The following PPP2R2C variants were observed in gnomAD, a reference collection of about 807,000 sequenced individuals.
The protein encoded by PPP2R2C is protein phosphatase 2 regulatory subunit Bgamma.
A neutral mutation model predicts 45.3 loss-of-function variants in PPP2R2C; 10 were observed. The ratio of observed to expected loss-of-function variants is 0.22; its 90% CI spans 0.14 to 0.37. The LOEUF (loss-of-function observed/expected upper bound fraction) is 0.37, where lower values mean the gene tolerates loss of function less well. Ranked by LOEUF, PPP2R2C falls within the 10% of genes least tolerant of loss-of-function variation. The pLI is 1.00. For missense variants in PPP2R2C, 308 were observed against 619.7 expected, an observed-to-expected ratio of 0.50 and a Z score of 5.34; for synonymous variants, 257 against 245.4, an observed-to-expected ratio of 1.05 and a Z score of -0.44.
At chr4:6,365,047 C>A (rs1255361979) in intron 5 of PPP2R2C, among the ~76,000 whole-genome samples, 1 of 152,198 alleles carries the variant, frequency 6.6e-6, no homozygotes, top group Non-Finnish European at 1.5e-5. Flanking sequence ...AAAAAAGTCC[C>A]TTCTTCCCAA....
chr4:6,554,085 T>C (rs1725278920), intron 1 of PPP2R2C, among the ~76,000 whole-genome samples: 1 of 152,102 alleles, frequency 6.6e-6, no homozygotes. Flanking sequence ...CTGTGTGCTC[T>C]CCCCACAAAA....
intron 1 of PPP2R2C, among the ~76,000 whole-genome samples, chr4:6,547,762 C>G (rs937797518): frequency 1.3e-5 from 2 of 152,138 alleles, no homozygotes; most frequent in African/African-American, 4.8e-5. Flanking sequence ...CATCCATATG[C>G]AAAAACGCAA....
chr4:6,402,206 G>T (rs542697911), intron 1 of PPP2R2C, among the ~76,000 whole-genome samples: 1 of 152,192 alleles, frequency 6.6e-6, no homozygotes, highest in Non-Finnish European at 1.5e-5. Context: ...GGGTCACAGA[G>T]CAGGTAAGTG....
chr4:6,414,604 A>G (rs1335484135), intron 1 of PPP2R2C, among the ~76,000 whole-genome samples: 1 of 151,942 alleles, frequency 6.6e-6, no homozygotes, highest in Non-Finnish European at 1.5e-5. Flanking sequence ...AAAGAGCCCT[A>G]CGAGATGGGC....
chr4:6,343,142 C>T (rs1317659649), intron 6 of PPP2R2C, among the ~76,000 whole-genome samples: 1 of 152,206 alleles, frequency 6.6e-6, no homozygotes. Flanking sequence ...CAGCCGCCAC[C>T]TGCTAATTGG....
intron 1 of PPP2R2C, among the ~76,000 whole-genome samples, chr4:6,429,207 C>G (rs1719490993): frequency 6.6e-6 from 1 of 152,208 alleles, no homozygotes; most frequent in Non-Finnish European, 1.5e-5. Flanking sequence ...TGTGGTATAC[C>G]ATGTGACAGA....
intron 5 of PPP2R2C, among the ~76,000 whole-genome samples, chr4:6,357,054 G>C (rs1020690168): frequency 2.6e-5 from 4 of 150,966 alleles, no homozygotes; most frequent in Admixed American, 2.0e-4. Flanking sequence ...GCATGAGACA[G>C]GGACAGCGAG....
intron 1 of PPP2R2C, among the ~76,000 whole-genome samples, chr4:6,423,853 G>C (rs562193764): frequency 1.7e-4 from 26 of 152,278 alleles, no homozygotes; most frequent in African/African-American, 6.3e-4. Flanking sequence ...GCCATGGAAA[G>C]GAGTGCCCTT....
chr4:6,518,639 T>C (rs1272754617), intron 2 of PPP2R2C, among the ~76,000 whole-genome samples: 1 of 152,076 alleles, frequency 6.6e-6, no homozygotes, highest in East Asian at 1.9e-4. Context: ...ATTAAAGAAA[T>C]GGCCCAGGTG....
intron 1 of PPP2R2C, among the ~76,000 whole-genome samples, chr4:6,467,240 C>A (rs1473650881): frequency 6.6e-6 from 1 of 152,168 alleles, no homozygotes; most frequent in Admixed American, 6.5e-5. Context: ...TCCCTCTGTG[C>A]CACCACTAAT....
chr4:6,321,369 A>G lies in PPP2R2C; in HGVS notation c.*1933T>C, dbSNP rs1731541670. The G allele has an allele frequency of 6.6e-6, 1 of 152,586 alleles. No individual in the cohort carries two copies. The highest frequency in any genetic ancestry group is 6.5e-5 in the Admixed American group (1 of 15,276). 9.5% of individuals were successfully genotyped at this position (152,586 alleles called of 1,614,324 possible). ...ATTCTCGAACCTCTTTACAAGGGGG[A>G]AAAAAGTAATCCAATCCTTTGATTG... On this transcript the variant is annotated 3_prime_UTR_variant, in exon 9 of 9. Transcript: ENST00000382599.
chr4:6,533,307 A>G (rs1724468147), intron 2 of PPP2R2C, among the ~76,000 whole-genome samples: 1 of 152,204 alleles, frequency 6.6e-6, no homozygotes, highest in Non-Finnish European at 1.5e-5. Context: ...ATCTTTGAAC[A>G]GGATTCTAAA....
chr4:6,494,900 C>T (rs1722826985), intron 2 of PPP2R2C, among the ~76,000 whole-genome samples: 1 of 152,232 alleles, frequency 6.6e-6, no homozygotes, highest in African/African-American at 2.4e-5. Flanking sequence ...GCTGCCCTGT[C>T]CAGAGGCTGC....
Position 6,382,032 on chromosome 4 carries a change from C to T in PPP2R2C, c.71-938G>A, listed in dbSNP as rs940992282. The T allele has an allele frequency of 4.3e-6, 6 of 1,408,150 alleles. No homozygotes were observed. The South Asian group carries it at 4.8e-5, about 11-fold the overall frequency. The allele number at this position is 1,408,150 out of a possible 1,614,324, so 87.2% of individuals were successfully genotyped here. ...GAGAAACCCCCACTGGAGGACAGCT[C>T]ACCAACCTGAAGCCTGAGGCCTGCT... On this transcript the variant is annotated intron_variant, in intron 1 of 8. Transcript: ENST00000382599.
chr4:6,475,255 G>A (rs77803571), upstream of PPP2R2C, among the ~76,000 whole-genome samples: 6,391 of 151,688 alleles, frequency 0.042, 452 homozygotes, highest in African/African-American at 0.15. Flanking sequence ...AGAAAGGAAC[G>A]GGGAGGAGGA....
chr4:6,323,237 C>A lies in PPP2R2C; in HGVS notation c.*65G>T. Reference sequence around the variant, plus strand: ...TTTCTTCCCCTCCTTGCATTGCGGTCGTGAAGGTCATGTCGGGGATGACTT... The same window carrying A: ...TTTCTTCCCCTCCTTGCATTGCGGTAGTGAAGGTCATGTCGGGGATGACTT... On this transcript the variant is annotated 3_prime_UTR_variant, in exon 9 of 9. Coordinates refer to ENST00000382599, the MANE Select transcript of PPP2R2C (RefSeq NM_020416.4). 2.0e-6 allele frequency: 3 copies of A among 1,522,946 alleles called. No individual in the cohort carries two copies. The highest frequency in any genetic ancestry group is 4.6e-5 in the East Asian group (2 of 43,594). The allele number at this position is 1,522,946 out of a possible 1,614,324, so 94.3% of individuals were successfully genotyped here.
At chr4:6,511,627 G>A (rs1390633064) in intron 2 of PPP2R2C, among the ~76,000 whole-genome samples, 2 of 73,474 alleles carry the variant, frequency 2.7e-5, no homozygotes, top group African/African-American at 1.3e-4. Flanking sequence ...GATGGTGGTG[G>A]TGGTGGTGGT....
chr4:6,504,133 C>T (rs1459508129), intron 2 of PPP2R2C, among the ~76,000 whole-genome samples: 1 of 152,200 alleles, frequency 6.6e-6, no homozygotes, highest in African/African-American at 2.4e-5. Context: ...GCAATCTTGG[C>T]TACTGGAATC....
At chr4:6,425,836 T>G (rs1455301796) in intron 1 of PPP2R2C, among the ~76,000 whole-genome samples, 2 of 149,954 alleles carry the variant, frequency 1.3e-5, no homozygotes, top group African/African-American at 2.5e-5. Context: ...TGTGTGTGTG[T>G]GGTGTGTGTG....
Sources: allele counts gnomAD v4.1 joint callset (sites outside exome capture counted in the v4.1 genomes callset), GRCh38; gene constraint gnomAD v4.1.1; transcripts MANE v1.5; gene names NCBI Gene and HGNC (gene_info 2026-07-23, HGNC 2026-07-21).